GPC5: variants seen among roughly 807,000 people sequenced by gnomAD.
GPC5 encodes glypican-5.
A neutral mutation model predicts 53.9 loss-of-function variants in GPC5; 47 were observed. That is an observed-to-expected ratio of 0.87 (90% CI 0.69 to 1.11). GPC5 has a LOEUF of 1.11. Ranked by LOEUF, GPC5 falls within the 50% of genes most tolerant of loss-of-function variation. GPC5 has a pLI of 0.00. For synonymous variants in GPC5, 286 were observed against 263.3 expected (o/e 1.09, Z -0.84); for missense variants, 748 against 713.1 (o/e 1.05, Z -0.56).
At chr13:91,524,127 C>A (rs1351075446) in intron 2 of GPC5, among the ~76,000 whole-genome samples, 1 of 151,998 alleles carries the variant, frequency 6.6e-6, no homozygotes, top group Non-Finnish European at 1.5e-5. Context: ...TAAATCATTT[C>A]TAAGGTCCTT....
At chr13:91,642,419 T>A (rs1344751559) in intron 2 of GPC5, among the ~76,000 whole-genome samples, 1 of 152,084 alleles carries the variant, frequency 6.6e-6, no homozygotes, top group East Asian at 1.9e-4. Flanking sequence ...GGAAGAAAAG[T>A]AACACAGGAA....
chr13:91,757,221 G>A (rs906075243), intron 5 of GPC5, among the ~76,000 whole-genome samples: 2 of 151,994 alleles, frequency 1.3e-5, no homozygotes, highest in Admixed American at 6.6e-5. Context: ...TAGAATGTAG[G>A]ATAATGAGGT....
chr13:91,679,332 A>G (rs989438230), intron 2 of GPC5, among the ~76,000 whole-genome samples: 1 of 152,190 alleles, frequency 6.6e-6, no homozygotes, highest in African/African-American at 2.4e-5. Context: ...AGATGCTTAG[A>G]TGGTTGATCC....
intron 6 of GPC5, among the ~76,000 whole-genome samples, chr13:92,105,045 G>A (rs1223556788): frequency 6.6e-6 from 1 of 151,682 alleles, no homozygotes; most frequent in East Asian, 1.9e-4. Context: ...CAGAAGCTTT[G>A]TTTTTGTTTT....
chr13:92,054,745 A>G (rs558776119), intron 6 of GPC5, among the ~76,000 whole-genome samples: 1 of 152,318 alleles, frequency 6.6e-6, no homozygotes, highest in South Asian at 2.1e-4. Flanking sequence ...TTGCAGTACT[A>G]TTGCAAAGAT....
intron 7 of GPC5, among the ~76,000 whole-genome samples, chr13:92,479,543 A>G (rs557196517): frequency 6.6e-6 from 1 of 152,298 alleles, no homozygotes; most frequent in East Asian, 1.9e-4. Flanking sequence ...TAGAAGTTTT[A>G]CTTTTAAGAG....
intron 6 of GPC5, among the ~76,000 whole-genome samples, chr13:91,916,510 G>T (rs937174365): frequency 6.6e-6 from 1 of 152,086 alleles, no homozygotes. Context: ...CCTTAAATAT[G>T]TTATACTAGC....
chr13:92,250,267 C>A (rs1181786167), intron 7 of GPC5, among the ~76,000 whole-genome samples: 1 of 152,090 alleles, frequency 6.6e-6, no homozygotes, highest in Non-Finnish European at 1.5e-5. Flanking sequence ...TAGGTTCATA[C>A]GTATGGTTTT....
chr13:91,989,639 G>T (rs188185752), intron 6 of GPC5, among the ~76,000 whole-genome samples: 97 of 152,118 alleles, frequency 6.4e-4, no homozygotes, highest in African/African-American at 2.2e-3. Flanking sequence ...AAATATAAAA[G>T]GCATGTCATT....
chr13:92,022,552 TAATA>T (rs2040767896), intron 6 of GPC5, among the ~76,000 whole-genome samples: 1 of 152,060 alleles, frequency 6.6e-6, no homozygotes, highest in African/African-American at 2.4e-5. Context: ...ATTGTGTGTT[TAATA>T]AATAAAAGCA....
rs143619323 is a variant in GPC5, at chr13:91,464,518, C to T, written c.325+15596C>T. Among the ~76,000 whole-genome samples, 143 of 152,120 alleles carry T rather than the reference C, an allele frequency of 9.4e-4. 1 individual carries two copies. The East Asian group carries it at 0.025, about 27-fold the overall frequency. ...TAAACAAATTGTGTTATGTCCATATCGTGGAATATGACTCAGCAATAAAAA... is the reference window on the plus strand; with the variant it reads ...TAAACAAATTGTGTTATGTCCATATTGTGGAATATGACTCAGCAATAAAAA... On this transcript the variant is annotated intron_variant, in intron 2 of 7. Transcript: ENST00000377067.
chr13:92,684,320 G>A (rs1357691148), intron 7 of GPC5, among the ~76,000 whole-genome samples: 1 of 151,638 alleles, frequency 6.6e-6, no homozygotes, highest in Admixed American at 6.6e-5. Context: ...ACCCAGGGTG[G>A]AGCGCAGTGG....
At chr13:92,162,855 T>G (rs1178635073) in intron 7 of GPC5, among the ~76,000 whole-genome samples, 3 of 152,150 alleles carry the variant, frequency 2.0e-5, no homozygotes, top group African/African-American at 7.2e-5. Context: ...TGAAATGAAC[T>G]TGGTCACTCC....
At chr13:91,818,846 G>A (rs1305326773) in intron 5 of GPC5, among the ~76,000 whole-genome samples, 2 of 152,200 alleles carry the variant, frequency 1.3e-5, no homozygotes, top group Non-Finnish European at 2.9e-5. Flanking sequence ...AAGTTTACTT[G>A]AATGAGTTGA....
chr13:91,946,052 T>C (rs1014910506), intron 6 of GPC5, among the ~76,000 whole-genome samples: 11 of 152,224 alleles, frequency 7.2e-5, no homozygotes, highest in African/African-American at 2.6e-4. Flanking sequence ...TCTGGGTTCA[T>C]GTATTTGCTT....
At chr13:92,354,817 A>G (rs1040266240) in intron 7 of GPC5, among the ~76,000 whole-genome samples, 2 of 152,120 alleles carry the variant, frequency 1.3e-5, no homozygotes, top group Admixed American at 6.5e-5. Flanking sequence ...TCCTAGCCTG[A>G]AAATAGTCTT....
At chr13:92,659,570 A>G (rs569629714) in intron 7 of GPC5, among the ~76,000 whole-genome samples, 1 of 152,256 alleles carries the variant, frequency 6.6e-6, no homozygotes, top group Admixed American at 6.5e-5. Context: ...TTTAAATTCA[A>G]TTTGTGTAAC....
intron 4 of GPC5, among the ~76,000 whole-genome samples, chr13:91,744,889 A>G (rs2037014691): frequency 6.6e-6 from 1 of 152,144 alleles, no homozygotes. Context: ...AGATTTGAAA[A>G]TGGAAAATTA....
chr13:92,061,693 C>A (rs2041125332), intron 6 of GPC5, among the ~76,000 whole-genome samples: 2 of 151,920 alleles, frequency 1.3e-5, no homozygotes, highest in Admixed American at 1.3e-4. Context: ...ACAGAACAGT[C>A]ATGCTGTCTT....
Sources: allele counts gnomAD v4.1 joint callset (sites outside exome capture counted in the v4.1 genomes callset), GRCh38; gene constraint gnomAD v4.1.1; transcripts MANE v1.5; gene names NCBI Gene and HGNC (gene_info 2026-07-23, HGNC 2026-07-21).